The following CTNNBL1 variants were observed in gnomAD, a reference collection of about 807,000 sequenced individuals.
CTNNBL1 encodes beta-catenin-like protein 1.
CTNNBL1 carries 31 observed loss-of-function variants against 72.7 expected under a neutral mutation model. The observed-to-expected ratio is 0.43, with a 90% confidence interval of 0.32 to 0.58. The LOEUF (loss-of-function observed/expected upper bound fraction) is 0.58, where lower values mean the gene tolerates loss of function less well. CTNNBL1 is among the 20% of genes least tolerant of loss of function. CTNNBL1 has a pLI of 0.08. For synonymous variants in CTNNBL1, 240 were observed against 267.3 expected (o/e 0.90, Z 1.00); for missense variants, 534 against 725.1 (o/e 0.74, Z 3.03).
chr20:37,831,292 G>A (rs576745073), intron 11 of CTNNBL1, among the ~76,000 whole-genome samples: 13 of 152,062 alleles, frequency 8.5e-5, no homozygotes, highest in African/African-American at 1.7e-4. Flanking sequence ...TCACATATGC[G>A]CTGAGTATTT....
At chr20:37,749,582 C>G (rs1392838943) in intron 4 of CTNNBL1, among the ~76,000 whole-genome samples, 1 of 152,022 alleles carries the variant, frequency 6.6e-6, no homozygotes, top group African/African-American at 2.4e-5. Context: ...ACCCAACTGC[C>G]CTAATGATAT....
chr20:37,767,827 C>A (rs2073483908), intron 6 of CTNNBL1, 126 bp from the exon 7 acceptor site: 1 of 714,016 alleles, frequency 1.4e-6, no homozygotes, highest in East Asian at 2.6e-5. Flanking sequence ...AATGACAACC[C>A]AGCATCTGGC....
intron 11 of CTNNBL1, among the ~76,000 whole-genome samples, chr20:37,809,319 T>C (rs367930461): frequency 3.0e-4 from 45 of 152,270 alleles, no homozygotes; most frequent in African/African-American, 9.9e-4. Flanking sequence ...GGGAGGGAGA[T>C]TATGGTACAG....
chr20:37,738,068 T>G (rs753434336), intron 3 of CTNNBL1, among the ~76,000 whole-genome samples: 3 of 152,228 alleles, frequency 2.0e-5, no homozygotes, highest in Non-Finnish European at 4.4e-5. Flanking sequence ...CTAGCCCTTT[T>G]CAAGATCAGC....
At chr20:37,833,546 C>G (rs1162510661) in intron 11 of CTNNBL1, among the ~76,000 whole-genome samples, 1 of 152,142 alleles carries the variant, frequency 6.6e-6, no homozygotes, top group African/African-American at 2.4e-5. Flanking sequence ...CTGGCCTTCC[C>G]CTTGGTGGAG....
chr20:37,764,767 A>G (rs2073450232), intron 5 of CTNNBL1, among the ~76,000 whole-genome samples: 2 of 152,330 alleles, frequency 1.3e-5, no homozygotes, highest in South Asian at 2.1e-4. Context: ...CTAGTGAAAC[A>G]TCTTTTGGTG....
chr20:37,836,237 C>T (rs1483738444), intron 11 of CTNNBL1, among the ~76,000 whole-genome samples: 3 of 152,178 alleles, frequency 2.0e-5, no homozygotes, highest in African/African-American at 7.2e-5. Context: ...GAAAGAGAAA[C>T]ATTTTCTTGA....
Position 37,860,269 on chromosome 20 carries a change from T to C in CTNNBL1, c.1531-3T>C. 1 of 1,613,822 alleles carries C rather than the reference T, an allele frequency of 6.2e-7. No homozygotes were observed. The highest frequency in any genetic ancestry group is 1.3e-5 in the African/African-American group (1 of 75,040). On this transcript the variant is annotated splice_region_variant and splice_polypyrimidine_tract_variant and intron_variant, in intron 14 of 15. Coordinates refer to ENST00000361383, the MANE Select transcript of CTNNBL1 (RefSeq NM_030877.5). ...TTTCTCTACCCATTTTTTCCCTTAT[T>C]AGATTCGCCAGAGGGTTCACCAGAT...
At chr20:37,750,152 T>A (rs1323335937) in intron 4 of CTNNBL1, 1 of 152,210 alleles carries the variant, frequency 6.6e-6, no homozygotes, top group Non-Finnish European at 1.5e-5. Context: ...TGCCTCATCC[T>A]TTCAACCGTG....
intron 15 of CTNNBL1, among the ~76,000 whole-genome samples, chr20:37,864,776 A>C (rs1326844952): frequency 6.6e-6 from 1 of 152,110 alleles, no homozygotes; most frequent in Non-Finnish European, 1.5e-5. Context: ...ACTGGCAGAG[A>C]GGAGGAGTCA....
chr20:37,757,128 C>T (rs1386248341), intron 4 of CTNNBL1: 1 of 153,548 alleles, frequency 6.5e-6, no homozygotes, highest in East Asian at 1.9e-4. Flanking sequence ...TCTGAAGACT[C>T]CTTGGTGAAC....
At chr20:37,807,889 A>T (rs777265761) in intron 11 of CTNNBL1, among the ~76,000 whole-genome samples, 2 of 152,148 alleles carry the variant, frequency 1.3e-5, no homozygotes, top group Non-Finnish European at 2.9e-5. Context: ...TCAGAATAGG[A>T]GGGAAGAAGA....
chr20:37,842,525 C>T, intron 13 of CTNNBL1, 106 bp downstream of exon 13: 1 of 766,022 alleles, frequency 1.3e-6, no homozygotes, highest in African/African-American at 1.7e-5. Context: ...GCAGTGCCAT[C>T]TAACATGTTA....
intron 13 of CTNNBL1, among the ~76,000 whole-genome samples, chr20:37,844,536 C>A (rs529842770): frequency 6.6e-6 from 1 of 152,180 alleles, no homozygotes; most frequent in Admixed American, 6.5e-5. Context: ...GTAATCTTGC[C>A]ACTTCTAGCT....
chr20:37,818,952 C>G (rs1175144215), intron 11 of CTNNBL1, among the ~76,000 whole-genome samples: 4 of 152,116 alleles, frequency 2.6e-5, no homozygotes, highest in Non-Finnish European at 5.9e-5. Flanking sequence ...TTGTTCTTTT[C>G]CTTTTTTAGG....
intron 11 of CTNNBL1, among the ~76,000 whole-genome samples, chr20:37,808,064 G>A (rs1009297482): frequency 7.2e-5 from 11 of 152,172 alleles, no homozygotes; most frequent in African/African-American, 2.7e-4. Context: ...AGTTCCCCTG[G>A]AGGCTGTTAA....
intron 13 of CTNNBL1, among the ~76,000 whole-genome samples, chr20:37,847,524 C>T (rs943479817): frequency 3.9e-5 from 6 of 152,116 alleles, no homozygotes; most frequent in African/African-American, 1.4e-4. Flanking sequence ...CCTGACTCTC[C>T]GAACGACTTG....
At chr20:37,854,662 C>G (rs1185671620) in intron 13 of CTNNBL1, among the ~76,000 whole-genome samples, 1 of 151,126 alleles carries the variant, frequency 6.6e-6, no homozygotes, top group Non-Finnish European at 1.5e-5. Context: ...GATCTTGGCT[C>G]CCTGCAACTT....
intron 13 of CTNNBL1, among the ~76,000 whole-genome samples, chr20:37,848,404 C>T (rs765968397): frequency 6.6e-6 from 1 of 152,072 alleles, no homozygotes; most frequent in African/African-American, 2.4e-5. Context: ...AAACCTCATG[C>T]CTCAGCCTCC....
Sources: allele counts gnomAD v4.1 joint callset (sites outside exome capture counted in the v4.1 genomes callset), GRCh38; gene constraint gnomAD v4.1.1; transcripts MANE v1.5; gene names NCBI Gene and HGNC (gene_info 2026-07-23, HGNC 2026-07-21).